FAM184A: variants seen among roughly 807,000 people sequenced by gnomAD.
FAM184A encodes protein FAM184A.
Under a neutral mutation model 143.8 loss-of-function variants are expected in FAM184A, and 99 were observed. The ratio of observed to expected loss-of-function variants is 0.69; its 90% CI spans 0.58 to 0.81. The LOEUF (loss-of-function observed/expected upper bound fraction) is 0.81, where lower values mean the gene tolerates loss of function less well. Ranked by LOEUF, FAM184A falls within the 40% of genes least tolerant of loss-of-function variation. FAM184A has a pLI of 0.00. For synonymous variants in FAM184A, 427 were observed against 446.4 expected, an observed-to-expected ratio of 0.96 and a Z score of 0.55; for missense variants, 1,217 against 1,310.5, an observed-to-expected ratio of 0.93 and a Z score of 1.10.
rs766414096 is a variant in FAM184A at position 119,122,924 on chromosome 6, GAAAAAAAAAAAAAAAAAAAAA to G, written c.-202+26133_-202+26153del. Among the ~76,000 whole-genome samples the G allele has an allele frequency of 8.7e-3, 251 of 29,004 alleles. 5 individuals are homozygous for G. The highest frequency in any genetic ancestry group is 0.014 in the Non-Finnish European group (227 of 16,558). The allele number at this position is 29,004 out of a possible 152,430, so 19.0% of individuals were successfully genotyped here. On this transcript the variant is annotated intron_variant, in intron 1 of 16. Coordinates refer to the FAM184A transcript ENST00000352896. ...TGAGCAACGGAGGAAGACCCTGTCTGAAAAAAAAAAAAAAAAAAAAAAAAAAAAAAAAAAAAAAAAAAGGCA... is the reference window on the plus strand; with the variant it reads ...TGAGCAACGGAGGAAGACCCTGTCTGAAAAAAAAAAAAAAAAAAAAAGGCA...
intron 9 of FAM184A, among the ~76,000 whole-genome samples, chr6:118,994,634 C>A (rs992490290): frequency 1.7e-4 from 26 of 151,304 alleles, no homozygotes; most frequent in African/African-American, 5.3e-4. Context: ...TGCAGTGAAC[C>A]GAGATTGCAC....
chr6:119,047,405 G>A (rs1188254538), intron 1 of FAM184A, among the ~76,000 whole-genome samples: 1 of 152,160 alleles, frequency 6.6e-6, no homozygotes, highest in Non-Finnish European at 1.5e-5. Context: ...GAGGAAATCA[G>A]TATATCAAAG....
chr6:119,047,374 G>A (rs1325591401), intron 1 of FAM184A, among the ~76,000 whole-genome samples: 2 of 152,162 alleles, frequency 1.3e-5, no homozygotes, highest in East Asian at 1.9e-4. Context: ...CAATCCCACT[G>A]CTGGGTATGT....
At chr6:119,045,663 A>G (rs1191030216) in intron 1 of FAM184A, among the ~76,000 whole-genome samples, 1 of 152,206 alleles carries the variant, frequency 6.6e-6, no homozygotes, top group East Asian at 1.9e-4. Context: ...TCATATACAG[A>G]TAGAAGATGC....
At chr6:119,053,309 C>T (rs1459537610) in intron 1 of FAM184A, among the ~76,000 whole-genome samples, 1 of 152,160 alleles carries the variant, frequency 6.6e-6, no homozygotes, top group African/African-American at 2.4e-5. Flanking sequence ...ACTTGTACAG[C>T]ACCTGCTAAC....
intron 6 of FAM184A, chr6:119,009,486 CCTT>C (rs1438613776): frequency 2.6e-5 from 4 of 155,414 alleles, no homozygotes; most frequent in East Asian, 1.9e-4. Flanking sequence ...ACTTGCTCCT[CCTT>C]GTCTTCCACC....
chr6:119,091,436 T>A (rs1788364393), intron 1 of FAM184A, among the ~76,000 whole-genome samples: 1 of 152,178 alleles, frequency 6.6e-6, no homozygotes, highest in Non-Finnish European at 1.5e-5. Context: ...AACTAGCCGA[T>A]CTCTAAATTG....
intron 1 of FAM184A, among the ~76,000 whole-genome samples, chr6:119,044,391 T>G (rs1786452153): frequency 6.6e-6 from 1 of 152,160 alleles, no homozygotes; most frequent in Non-Finnish European, 1.5e-5. Flanking sequence ...AAGACTAGCC[T>G]AGGCAACAAA....
intron 1 of FAM184A, among the ~76,000 whole-genome samples, chr6:119,061,560 T>G (rs147663722): frequency 6.1e-4 from 78 of 128,860 alleles, no homozygotes; most frequent in African/African-American, 2.2e-3. Flanking sequence ...TTTTTTTTTG[T>G]AGAGATGAGC....
At chr6:119,130,867 T>C (rs991479516) in intron 1 of FAM184A, among the ~76,000 whole-genome samples, 16 of 149,432 alleles carry the variant, frequency 1.1e-4, no homozygotes, top group Non-Finnish European at 1.9e-4. Context: ...TCTTTTTTTT[T>C]TTTTTTTTGA....
intron 7 of FAM184A, chr6:119,006,083 GT>G: frequency 1.3e-6 from 1 of 765,186 alleles, no homozygotes; most frequent in East Asian, 2.4e-5. Flanking sequence ...ATGAGCCCTT[GT>G]TCCAATATGC....
chr6:119,050,296 C>T (rs1477783137), intron 1 of FAM184A, among the ~76,000 whole-genome samples: 1 of 152,126 alleles, frequency 6.6e-6, no homozygotes, highest in Non-Finnish European at 1.5e-5. Context: ...AAAAACAGAA[C>T]TACCATTTGA....
chr6:119,142,929 C>T (rs991902645), intron 1 of FAM184A, among the ~76,000 whole-genome samples: 4 of 152,142 alleles, frequency 2.6e-5, no homozygotes, highest in African/African-American at 4.8e-5. Flanking sequence ...AGTGAGAACA[C>T]AGACACTCAA....
intron 9 of FAM184A, among the ~76,000 whole-genome samples, chr6:118,991,787 G>T (rs2114612780): frequency 8.9e-6 from 1 of 112,386 alleles, no homozygotes; most frequent in Non-Finnish European, 1.7e-5. Context: ...TTTTGAGACA[G>T]AGTCTCACTC....
intron 1 of FAM184A, among the ~76,000 whole-genome samples, chr6:119,077,110 A>G (rs1382348916): frequency 1.3e-5 from 2 of 151,838 alleles, no homozygotes; most frequent in East Asian, 1.9e-4. Context: ...TTTCACTCCT[A>G]TTTCCTCCTT....
At chr6:119,038,672 G>A (rs1786203037) in intron 1 of FAM184A, among the ~76,000 whole-genome samples, 1 of 152,140 alleles carries the variant, frequency 6.6e-6, no homozygotes, top group African/African-American at 2.4e-5. Flanking sequence ...GCAGCCCTCA[G>A]GGCTGCTCTG....
At chr6:119,061,788 A>C (rs1387057475) in intron 1 of FAM184A, among the ~76,000 whole-genome samples, 1 of 152,042 alleles carries the variant, frequency 6.6e-6, no homozygotes, top group African/African-American at 2.4e-5. Context: ...GGCTTGAGGA[A>C]GGGAGGGATA....
chr6:119,058,175 C>CCTT (rs1787077831), intron 1 of FAM184A, among the ~76,000 whole-genome samples: 1 of 89,716 alleles, frequency 1.1e-5, no homozygotes, highest in Non-Finnish European at 2.1e-5. Flanking sequence ...CTCCTTCTCT[C>CCTT]TTTTTTTTTT....
intron 1 of FAM184A, among the ~76,000 whole-genome samples, chr6:119,132,422 A>G (rs548245926): frequency 6.6e-6 from 1 of 152,334 alleles, no homozygotes; most frequent in South Asian, 2.1e-4. Flanking sequence ...CTCTTGTTTG[A>G]GGTTCTGATA....
Sources: allele counts gnomAD v4.1 joint callset (sites outside exome capture counted in the v4.1 genomes callset), GRCh38; gene constraint gnomAD v4.1.1; transcripts MANE v1.5; gene names NCBI Gene and HGNC (gene_info 2026-07-23, HGNC 2026-07-21).